PARD3: variants seen among roughly 807,000 people sequenced by gnomAD.
The protein encoded by PARD3 is partitioning defective 3 homolog.
Under a neutral mutation model 155.4 loss-of-function variants are expected in PARD3, and 75 were observed. The ratio of observed to expected loss-of-function variants is 0.48; its 90% CI spans 0.40 to 0.58. The LOEUF is 0.58. PARD3 is among the 20% of genes least tolerant of loss of function. The pLI, the probability that PARD3 is intolerant of heterozygous loss-of-function variation, is 0.00. For synonymous variants in PARD3, 576 were observed against 610.5 expected, an observed-to-expected ratio of 0.94 and a Z score of 0.83; for missense variants, 1,642 against 1,721.7, an observed-to-expected ratio of 0.95 and a Z score of 0.82.
chr10:34,312,211 A>G, intron 20 of PARD3: 1 of 1,476,508 alleles, frequency 6.8e-7, no homozygotes, highest in Non-Finnish European at 9.2e-7. Context: ...AAATTACTAA[A>G]CCATCAAACT....
At chr10:34,264,725 T>C in intron 22 of PARD3, among the ~76,000 whole-genome samples, 1 of 150,098 alleles carries the variant, frequency 6.7e-6, no homozygotes, top group South Asian at 2.1e-4. Context: ...CTAGGCACTC[T>C]GCTAGCCAGA....
At chr10:34,315,870 A>C (rs1488463077) in intron 20 of PARD3, among the ~76,000 whole-genome samples, 1 of 152,216 alleles carries the variant, frequency 6.6e-6, no homozygotes, top group African/African-American at 2.4e-5. Flanking sequence ...TCACATTGAA[A>C]GAAAATACTG....
intron 1 of PARD3, among the ~76,000 whole-genome samples, chr10:34,789,406 A>T (rs1841382970): frequency 1.3e-5 from 2 of 152,244 alleles, no homozygotes; most frequent in African/African-American, 4.8e-5. Flanking sequence ...CAATATTTTT[A>T]AAAGCATTTG....
At chr10:34,132,146 A>C (rs1947646699) in intron 22 of PARD3, among the ~76,000 whole-genome samples, 1 of 152,248 alleles carries the variant, frequency 6.6e-6, no homozygotes, top group South Asian at 2.1e-4. Flanking sequence ...TCTATAAATA[A>C]AATGCAATTC....
intron 22 of PARD3, among the ~76,000 whole-genome samples, chr10:34,180,979 G>A (rs1251743855): frequency 6.6e-6 from 1 of 152,118 alleles, no homozygotes; most frequent in Non-Finnish European, 1.5e-5. Flanking sequence ...GTCACCAGGG[G>A]AGCAACAAAC....
At chr10:34,763,608 A>ACCACT (rs1564594210) in intron 1 of PARD3, among the ~76,000 whole-genome samples, 1 of 152,174 alleles carries the variant, frequency 6.6e-6, no homozygotes, top group Non-Finnish European at 1.5e-5. Context: ...GATAAATGTC[A>ACCACT]CCACTCCACC....
intron 2 of PARD3, among the ~76,000 whole-genome samples, chr10:34,639,247 T>C (rs570447435): frequency 1.3e-5 from 2 of 152,000 alleles, no homozygotes; most frequent in South Asian, 4.2e-4. Context: ...AATACAAAAA[T>C]TAGCCAGGCA....
At chr10:34,517,291 G>C (rs146983878) in intron 2 of PARD3, 132 bp from the exon 3 acceptor site, 8 of 718,928 alleles carry the variant, frequency 1.1e-5, no homozygotes, top group Non-Finnish European at 1.7e-5. Context: ...TAAGTTTTAC[G>C]AAGAAAAACC....
intron 22 of PARD3, among the ~76,000 whole-genome samples, chr10:34,196,471 C>G (rs367681065): frequency 2.0e-5 from 3 of 151,158 alleles, no homozygotes; most frequent in East Asian, 3.9e-4. Flanking sequence ...TTAAATTGAA[C>G]AATGCTTGAG....
chr10:34,306,288 A>C (rs2134055512), intron 20 of PARD3, among the ~76,000 whole-genome samples: 1 of 152,022 alleles, frequency 6.6e-6, no homozygotes, highest in South Asian at 2.1e-4. Context: ...CAAAAAAAAA[A>C]AATCAAAATT....
intron 2 of PARD3, among the ~76,000 whole-genome samples, chr10:34,696,088 A>C (rs191410920): frequency 2.4e-4 from 36 of 152,214 alleles, no homozygotes; most frequent in Middle Eastern, 3.4e-3. Flanking sequence ...TAGTTTTAAA[A>C]CCCCAAAACC....
chr10:34,555,677 T>A (rs891947905), intron 2 of PARD3, among the ~76,000 whole-genome samples: 8 of 152,122 alleles, frequency 5.3e-5, no homozygotes, highest in Non-Finnish European at 1.0e-4. Flanking sequence ...TCTTTTTTAA[T>A]CCTATGTATC....
At chr10:34,365,483 T>C (rs1189000982) in intron 12 of PARD3, among the ~76,000 whole-genome samples, 1 of 152,234 alleles carries the variant, frequency 6.6e-6, no homozygotes, top group Non-Finnish European at 1.5e-5. Context: ...TAGGAATTTA[T>C]GTCAGTCTTC....
In PARD3 at chr10:34,378,111, G is replaced by A. The variant is rs748099045; in HGVS notation, c.1400-5C>T. ...TGAATCCCAAACCTTCTGTACCTAGGTATGTGAAGGAGAAGAAAAGTAAAT... is the reference window on the plus strand; with the variant it reads ...TGAATCCCAAACCTTCTGTACCTAGATATGTGAAGGAGAAGAAAAGTAAAT... On this transcript the variant is annotated splice_region_variant and splice_polypyrimidine_tract_variant and intron_variant, in intron 9 of 24. Transcript: ENST00000374788. The A allele has an allele frequency of 8.9e-6, 14 of 1,571,380 alleles. No individual in the cohort carries two copies. The South Asian group carries it at 1.7e-4, about 19-fold the overall frequency.
chr10:34,510,293 C>T (rs2081328797), intron 3 of PARD3, among the ~76,000 whole-genome samples: 1 of 152,162 alleles, frequency 6.6e-6, no homozygotes, highest in Admixed American at 6.5e-5. Flanking sequence ...TTTCTCCATG[C>T]AAAAGCATTC....
At chr10:34,197,549 G>T (rs1951005231) in intron 22 of PARD3, among the ~76,000 whole-genome samples, 1 of 152,130 alleles carries the variant, frequency 6.6e-6, no homozygotes, top group South Asian at 2.1e-4. Context: ...ATGACTTTGG[G>T]ACATAAAAAT....
chr10:34,780,647 A>C (rs1341510075), intron 1 of PARD3, among the ~76,000 whole-genome samples: 1 of 152,202 alleles, frequency 6.6e-6, no homozygotes, highest in Non-Finnish European at 1.5e-5. Context: ...TCTCCTGTCT[A>C]TTTTATCCCC....
At chr10:34,199,754 G>A (rs760456871) in intron 22 of PARD3, among the ~76,000 whole-genome samples, 2 of 152,166 alleles carry the variant, frequency 1.3e-5, no homozygotes, top group Non-Finnish European at 2.9e-5. Context: ...TCCCTTCTGA[G>A]CAAGTGATTA....
At chr10:34,528,262 A>T (rs2082611209) in intron 2 of PARD3, among the ~76,000 whole-genome samples, 1 of 152,222 alleles carries the variant, frequency 6.6e-6, no homozygotes, top group South Asian at 2.1e-4. Flanking sequence ...GAGTTTAAAA[A>T]TTTTAAGTTT....
Sources: gnomAD v4.1 joint callset for allele counts (sites outside exome capture counted in the v4.1 genomes callset) on GRCh38, gnomAD v4.1.1 for gene constraint, MANE v1.5 for transcripts, NCBI Gene and HGNC (gene_info 2026-07-23, HGNC 2026-07-21) for gene names.